CSMD1: variants seen among roughly 807,000 people sequenced by gnomAD.
The protein encoded by CSMD1 is CUB and sushi domain-containing protein 1.
Under a neutral mutation model 417.5 loss-of-function variants are expected in CSMD1, and 213 were observed. The ratio of observed to expected loss-of-function variants is 0.51; its 90% CI spans 0.46 to 0.57. The LOEUF (loss-of-function observed/expected upper bound fraction) is 0.57, where lower values mean the gene tolerates loss of function less well. CSMD1 is among the 20% of genes least tolerant of loss of function. The probability of loss-of-function intolerance (pLI) is 0.00; values close to 1 mark genes in which losing one functional copy is unlikely to be tolerated. For missense variants in CSMD1, 6,923 were observed against 4,529.7 expected (o/e 1.53, Z -15.17); for synonymous variants, 2,862 against 1,736.8 (o/e 1.65, Z -16.11).
chr8:4,137,137 C>A (rs2131001449), intron 3 of CSMD1, among the ~76,000 whole-genome samples: 1 of 152,284 alleles, frequency 6.6e-6, no homozygotes, highest in Non-Finnish European at 1.5e-5. Context: ...ATAAGCCATT[C>A]ATAACAGATG....
rs543810124 is a variant in CSMD1 at position 3,420,462 on chromosome 8, G to A, written c.1562-10857C>T. Among the ~76,000 whole-genome samples the A allele has an allele frequency of 5.6e-4, 84 of 149,134 alleles. 1 individual carries two copies. The highest frequency in any genetic ancestry group is 2.0e-3 in the African/African-American group (81 of 41,150). ...AGCCATGGAAATCTGAATAAAATAC[G>A]ACCTTCAGTTAATAACGTTTCCATG... is the stretch of plus-strand genomic sequence containing the variant. On this transcript the variant is annotated intron_variant, in intron 12 of 69. Transcript: ENST00000635120.
In CSMD1 at chr8:4,725,416, G is replaced by T. The variant is rs147602589; in HGVS notation, c.86-87858C>A. On this transcript the variant is annotated intron_variant, in intron 1 of 69. Transcript: ENST00000635120. ...AAAGCGCAATAATATAAACAAAGTAGATTATTTATGGTTGTTGTTCTCCAT... is the reference window on the plus strand; with the variant it reads ...AAAGCGCAATAATATAAACAAAGTATATTATTTATGGTTGTTGTTCTCCAT... Among the ~76,000 whole-genome samples the T allele has an allele frequency of 3.9e-5, 6 of 152,238 alleles. No individual in the cohort carries two copies. In the East Asian group the frequency reaches 1.2e-3, roughly 29 times the overall value.
chr8:4,926,970 G>A (rs1246339621), intron 1 of CSMD1, among the ~76,000 whole-genome samples: 1 of 151,906 alleles, frequency 6.6e-6, no homozygotes, highest in African/African-American at 2.4e-5. Flanking sequence ...CATTCAGCTA[G>A]AGCACATACT....
intron 41 of CSMD1, among the ~76,000 whole-genome samples, chr8:3,131,310 A>G (rs1179616052): frequency 6.6e-6 from 1 of 151,940 alleles, no homozygotes; most frequent in African/African-American, 2.4e-5. Context: ...AACCTACACA[A>G]TGTGCACATG....
At chr8:4,892,568 A>G (rs767555866) in intron 1 of CSMD1, among the ~76,000 whole-genome samples, 23 of 152,148 alleles carry the variant, frequency 1.5e-4, no homozygotes, top group Admixed American at 1.0e-3. Flanking sequence ...GCCTAATTAT[A>G]TTTAAAAAAT....
intron 1 of CSMD1, among the ~76,000 whole-genome samples, chr8:4,696,648 T>G (rs576400373): frequency 1.3e-5 from 2 of 152,220 alleles, no homozygotes; most frequent in Admixed American, 6.5e-5. Flanking sequence ...TTCATTTATC[T>G]GGTTTCTCTT....
chr8:3,849,451 G>A (rs1563142744), intron 5 of CSMD1, among the ~76,000 whole-genome samples: 1 of 152,146 alleles, frequency 6.6e-6, no homozygotes, highest in Admixed American at 6.5e-5. Flanking sequence ...TGCTCCTTCT[G>A]GCGGTTACTC....
chr8:4,572,998 A>C (rs1313487281), intron 2 of CSMD1, among the ~76,000 whole-genome samples: 1 of 152,164 alleles, frequency 6.6e-6, no homozygotes. Context: ...TAAACTAGTT[A>C]TTCAAGTGAG....
chr8:3,391,028 C>G (rs940019234), intron 17 of CSMD1, among the ~76,000 whole-genome samples: 17 of 152,196 alleles, frequency 1.1e-4, no homozygotes, highest in Non-Finnish European at 1.8e-4. Context: ...TTTCTCCTCT[C>G]TCTCATGTAT....
chr8:4,068,488 C>T (rs919027433), intron 3 of CSMD1, among the ~76,000 whole-genome samples: 1 of 152,198 alleles, frequency 6.6e-6, no homozygotes, highest in African/African-American at 2.4e-5. Context: ...CACATAGCAT[C>T]ATTACAGAAA....
At chr8:4,777,184 C>T (rs992077758) in intron 1 of CSMD1, among the ~76,000 whole-genome samples, 2 of 152,260 alleles carry the variant, frequency 1.3e-5, no homozygotes, top group Non-Finnish European at 1.5e-5. Context: ...CCTGTTTTAC[C>T]TTGTGGTTGT....
chr8:3,556,634 G>A (rs1300197136), intron 10 of CSMD1, among the ~76,000 whole-genome samples: 1 of 151,502 alleles, frequency 6.6e-6, no homozygotes, highest in Non-Finnish European at 1.5e-5. Flanking sequence ...TGTCGTGGGG[G>A]CTGCCTGTGC....
At chr8:3,415,358 T>G (rs117455014) in intron 12 of CSMD1, among the ~76,000 whole-genome samples, 1 of 150,514 alleles carries the variant, frequency 6.6e-6, no homozygotes, top group East Asian at 1.9e-4. Flanking sequence ...CTTATTTACA[T>G]GTTGCATTTA....
chr8:4,639,662 G>C (rs73659182), intron 1 of CSMD1, among the ~76,000 whole-genome samples: 18,191 of 152,146 alleles, frequency 0.12, 1,536 homozygotes, highest in African/African-American at 0.25. Context: ...TTGAATACAA[G>C]TATTATCTCA....
chr8:2,999,908 A>G (rs1420684901), intron 53 of CSMD1, 50 bp downstream of exon 53: 2 of 1,518,730 alleles, frequency 1.3e-6, no homozygotes, highest in South Asian at 1.2e-5. Context: ...ACAAAAGACA[A>G]TGTGGCAAAA....
At chr8:4,977,331 T>C (rs1052442972) in intron 1 of CSMD1, among the ~76,000 whole-genome samples, 1 of 152,146 alleles carries the variant, frequency 6.6e-6, no homozygotes, top group African/African-American at 2.4e-5. Context: ...CTAACCTTGA[T>C]TGAAAACGCA....
At chr8:3,908,558 A>G (rs980622811) in intron 5 of CSMD1, among the ~76,000 whole-genome samples, 4 of 152,220 alleles carry the variant, frequency 2.6e-5, no homozygotes, top group Non-Finnish European at 5.9e-5. Context: ...TTTTGTAGCT[A>G]TGGAGCTCAC....
chr8:4,344,291 C>G (rs1209028193), intron 3 of CSMD1, among the ~76,000 whole-genome samples: 1 of 152,082 alleles, frequency 6.6e-6, no homozygotes, highest in Admixed American at 6.6e-5. Flanking sequence ...TGTCATGTGT[C>G]TAGTTTAACA....
chr8:4,197,788 A>G (rs1407587944), intron 3 of CSMD1, among the ~76,000 whole-genome samples: 5 of 152,086 alleles, frequency 3.3e-5, no homozygotes, highest in Non-Finnish European at 1.5e-5. Flanking sequence ...CTGATATGGG[A>G]GGATTGCTTG....
Sources: allele counts gnomAD v4.1 joint callset (sites outside exome capture counted in the v4.1 genomes callset), GRCh38; gene constraint gnomAD v4.1.1; transcripts MANE v1.5; gene names NCBI Gene and HGNC (gene_info 2026-07-23, HGNC 2026-07-21).